COTL1: variants seen among roughly 807,000 people sequenced by gnomAD.
COTL1 encodes coactosin like F-actin binding protein 1.
A neutral mutation model predicts 16.5 loss-of-function variants in COTL1; 15 were observed. The ratio of observed to expected loss-of-function variants is 0.91; its 90% CI spans 0.61 to 1.40. The LOEUF (loss-of-function observed/expected upper bound fraction) is 1.40, where lower values mean the gene tolerates loss of function less well. COTL1 is among the 40% of genes most tolerant of loss of function. COTL1 has a pLI of 0.00. For missense variants in COTL1, 220 were observed against 201.5 expected (o/e 1.09, Z -0.56); for synonymous variants, 112 against 85.3 (o/e 1.31, Z -1.73).
intron 2 of COTL1, among the ~76,000 whole-genome samples, chr16:84,601,309 T>G (rs1430255296): frequency 6.6e-6 from 1 of 152,090 alleles, no homozygotes; most frequent in East Asian, 1.9e-4. Context: ...CAAACAAAAA[T>G]GTAGTGTGTG....
intron 3 of COTL1, among the ~76,000 whole-genome samples, chr16:84,589,896 C>T (rs556161634): frequency 3.2e-4 from 48 of 152,242 alleles, no homozygotes; most frequent in Admixed American, 1.2e-3. Context: ...TAGGTGGGAT[C>T]GTAAACACAG....
At chr16:84,611,812 G>A (rs770042040) in intron 2 of COTL1, among the ~76,000 whole-genome samples, 3 of 152,210 alleles carry the variant, frequency 2.0e-5, no homozygotes, top group Non-Finnish European at 4.4e-5. Flanking sequence ...GAATGGTGCA[G>A]AAACAAAATG....
intron 3 of COTL1, among the ~76,000 whole-genome samples, chr16:84,572,175 A>C (rs1412996601): frequency 6.6e-6 from 1 of 152,244 alleles, no homozygotes; most frequent in Non-Finnish European, 1.5e-5. Context: ...TGAGCAAAAC[A>C]GCTCTGGGCA....
intron 3 of COTL1, 99 bp from the exon 4 acceptor site, chr16:84,567,054 C>T (rs1363546856): frequency 5.1e-6 from 4 of 786,768 alleles, no homozygotes; most frequent in South Asian, 1.4e-5. Context: ...GCACTGAAAA[C>T]CCTGATGAGA....
chr16:84,596,032 CT>C (rs1904998132), intron 2 of COTL1: 1 of 152,180 alleles, frequency 6.6e-6, no homozygotes, highest in Non-Finnish European at 1.5e-5. Flanking sequence ...GGTACCTGGG[CT>C]TTCCATCACC....
At chr16:84,568,972 G>C (rs977151856) in intron 3 of COTL1, 1 of 152,250 alleles carries the variant, frequency 6.6e-6, no homozygotes, top group African/African-American at 2.4e-5. Flanking sequence ...GAACCAGACA[G>C]AGGTAGGGCT....
chr16:84,602,477 G>A (rs1042792087), intron 2 of COTL1, among the ~76,000 whole-genome samples: 9 of 151,936 alleles, frequency 5.9e-5, no homozygotes, highest in South Asian at 2.1e-4. Context: ...CACCCCCAGA[G>A]AGCAGGAATG....
intron 3 of COTL1, among the ~76,000 whole-genome samples, chr16:84,583,518 C>T (rs981166228): frequency 6.6e-6 from 1 of 152,210 alleles, no homozygotes; most frequent in Admixed American, 6.5e-5. Flanking sequence ...AATGCAATGA[C>T]ACGAGCACAG....
chr16:84,584,123 C>G (rs1433892247), intron 3 of COTL1, among the ~76,000 whole-genome samples: 2 of 152,246 alleles, frequency 1.3e-5, no homozygotes, highest in Non-Finnish European at 2.9e-5. Flanking sequence ...GAGCGAGGTT[C>G]TGTCCTGGGC....
intron 2 of COTL1, among the ~76,000 whole-genome samples, chr16:84,597,568 G>C (rs1412076716): frequency 4.6e-5 from 7 of 152,122 alleles, no homozygotes; most frequent in African/African-American, 9.7e-5. Context: ...AACTGTGCTC[G>C]AATGAGCCCC....
chr16:84,591,618 G>A (rs1904863795), intron 2 of COTL1, among the ~76,000 whole-genome samples: 1 of 117,380 alleles, frequency 8.5e-6, no homozygotes, highest in African/African-American at 3.3e-5. Context: ...TGGGCAACAT[G>A]GAGAAATCAC....
chr16:84,584,464 C>T (rs1360083364), intron 3 of COTL1, among the ~76,000 whole-genome samples: 1 of 152,216 alleles, frequency 6.6e-6, no homozygotes, highest in African/African-American at 2.4e-5. Flanking sequence ...CTGCTGTGGG[C>T]CTCAGTTTCC....
At position 84,584,326 on chromosome 16, in the gene COTL1, G is replaced by A. The variant is rs957943673; in HGVS notation, c.318+5779C>T. 5.9e-5 allele frequency among the ~76,000 whole-genome samples: 9 copies of A among 152,362 alleles called. No homozygotes were observed. In the East Asian group the frequency reaches 1.3e-3, roughly 23 times the overall value. ...GTCTTGTTTTCCCCCAGCCACAGAC[G>A]CCTCTCAGTTTCTCAGGCTCTGAAT... On this transcript the variant is annotated intron_variant, in intron 3 of 3. Transcript: ENST00000262428.
At chr16:84,614,960 C>A (rs2150698792) in intron 2 of COTL1, among the ~76,000 whole-genome samples, 1 of 152,312 alleles carries the variant, frequency 6.6e-6, no homozygotes, top group Middle Eastern at 3.4e-3. Context: ...CTATTAACCT[C>A]TCTGGGCCTC....
chr16:84,574,323 C>T (rs187843826), intron 3 of COTL1, among the ~76,000 whole-genome samples: 7 of 152,332 alleles, frequency 4.6e-5, no homozygotes, highest in Admixed American at 1.3e-4. Flanking sequence ...GCCAAGCCCT[C>T]GAGGCAGCTG....
intron 3 of COTL1, among the ~76,000 whole-genome samples, chr16:84,580,743 C>T (rs1203211014): frequency 6.6e-6 from 1 of 152,214 alleles, no homozygotes; most frequent in Non-Finnish European, 1.5e-5. Flanking sequence ...CAGCCCCCGG[C>T]TCATGGATGA....
chr16:84,573,595 T>C (rs1904381234), intron 3 of COTL1, among the ~76,000 whole-genome samples: 1 of 151,922 alleles, frequency 6.6e-6, no homozygotes, highest in Non-Finnish European at 1.5e-5. Flanking sequence ...GCCAACATGG[T>C]GAAACCCCAT....
intron 3 of COTL1, among the ~76,000 whole-genome samples, chr16:84,588,318 T>C (rs914151453): frequency 1.7e-4 from 26 of 152,166 alleles, no homozygotes; most frequent in African/African-American, 6.3e-4. Flanking sequence ...TACCTTCCTC[T>C]TAACACACAC....
At chr16:84,598,057 A>G (rs1905042365) in intron 2 of COTL1, among the ~76,000 whole-genome samples, 1 of 152,160 alleles carries the variant, frequency 6.6e-6, no homozygotes, top group African/African-American at 2.4e-5. Flanking sequence ...GGATACAGCA[A>G]GGTCAGGAGC....
Sources: gnomAD v4.1 joint callset for allele counts (sites outside exome capture counted in the v4.1 genomes callset) on GRCh38, gnomAD v4.1.1 for gene constraint, MANE v1.5 for transcripts, NCBI Gene and HGNC (gene_info 2026-07-23, HGNC 2026-07-21) for gene names.